Variants in UNC13C observed in about 807,000 individuals in gnomAD.
UNC13C encodes the protein protein unc-13 homolog C.
A neutral mutation model predicts 245.4 loss-of-function variants in UNC13C; 174 were observed. That is an observed-to-expected ratio of 0.71 (90% CI 0.63 to 0.80). The LOEUF (loss-of-function observed/expected upper bound fraction) is 0.80, where lower values mean the gene tolerates loss of function less well. Ranked by LOEUF, UNC13C falls within the 30% of genes least tolerant of loss-of-function variation. The probability of loss-of-function intolerance (pLI) is 0.00; values close to 1 mark genes in which losing one functional copy is unlikely to be tolerated. For missense variants in UNC13C, 2,829 were observed against 2,602.9 expected (o/e 1.09, Z -1.89); for synonymous variants, 992 against 895.1 (o/e 1.11, Z -1.93).
intron 10 of UNC13C, among the ~76,000 whole-genome samples, chr15:54,280,513 C>A (rs1333765435): frequency 6.6e-6 from 1 of 151,192 alleles, no homozygotes; most frequent in Admixed American, 6.6e-5. Flanking sequence ...ACAGCTATCA[C>A]AATAAGAATT....
chr15:53,937,861 C>T, the UNC13C span, among the ~76,000 whole-genome samples: 2 of 152,146 alleles, frequency 1.3e-5, no homozygotes, highest in Non-Finnish European at 1.5e-5. Context: ...CTGGGCCTGC[C>T]TTGTGAGAGG....
At chr15:54,566,606 GT>G (rs5812763) in intron 29 of UNC13C, among the ~76,000 whole-genome samples, 12,038 of 152,012 alleles carry the variant, frequency 0.079, 1,103 homozygotes, top group African/African-American at 0.22. Context: ...TGTTTCTTAA[GT>G]TTAAATCCCA....
chr15:54,183,144 G>T (rs530594921), intron 4 of UNC13C, among the ~76,000 whole-genome samples: 196 of 151,894 alleles, frequency 1.3e-3, no homozygotes, highest in Middle Eastern at 3.4e-3. Context: ...GGGGACAAAA[G>T]CAGAGATGGG....
chr15:54,005,815 C>T (rs778609117), intron 1 of UNC13C, among the ~76,000 whole-genome samples: 1 of 152,056 alleles, frequency 6.6e-6, no homozygotes, highest in Non-Finnish European at 1.5e-5. Flanking sequence ...TGTGCATCCA[C>T]GGTACCATGA....
chr15:54,217,821 T>A (rs994965850), intron 4 of UNC13C, among the ~76,000 whole-genome samples: 1 of 151,876 alleles, frequency 6.6e-6, no homozygotes, highest in African/African-American at 2.4e-5. Flanking sequence ...TGACTAACCC[T>A]CTTTAGTGTG....
intron 24 of UNC13C, among the ~76,000 whole-genome samples, chr15:54,512,108 C>T (rs1894770006): frequency 6.6e-6 from 1 of 152,124 alleles, no homozygotes; most frequent in African/African-American, 2.4e-5. Flanking sequence ...TATATACACA[C>T]ATATATATTT....
At chr15:54,319,650 A>G (rs926338074) in intron 13 of UNC13C, among the ~76,000 whole-genome samples, 34 of 151,966 alleles carry the variant, frequency 2.2e-4, no homozygotes, top group African/African-American at 7.7e-4. Flanking sequence ...AGTTTTCAGG[A>G]CCATCATTTA....
At chr15:54,145,668 T>G (rs930761751) in intron 4 of UNC13C, among the ~76,000 whole-genome samples, 1 of 152,224 alleles carries the variant, frequency 6.6e-6, no homozygotes, top group Non-Finnish European at 1.5e-5. Flanking sequence ...AATAATTAAG[T>G]TGAATTCTAA....
chr15:54,525,981 C>T (rs1373113296), intron 25 of UNC13C, among the ~76,000 whole-genome samples: 1 of 152,050 alleles, frequency 6.6e-6, no homozygotes, highest in African/African-American at 2.4e-5. Flanking sequence ...TATTGAAAGA[C>T]TAAAGACAGG....
chr15:54,113,827 A>G (rs1205673966), intron 2 of UNC13C, among the ~76,000 whole-genome samples: 2 of 152,206 alleles, frequency 1.3e-5, no homozygotes, highest in African/African-American at 2.4e-5. Flanking sequence ...CTCTCCCTCA[A>G]AAAAATAAAG....
intron 17 of UNC13C, among the ~76,000 whole-genome samples, chr15:54,376,946 G>C (rs1441379245): frequency 6.6e-6 from 1 of 152,142 alleles, no homozygotes; most frequent in Non-Finnish European, 1.5e-5. Context: ...GATTAGAATA[G>C]GCCCTAGATC....
chr15:54,320,936 A>G, intron 13 of UNC13C: 2 of 363,928 alleles, frequency 5.5e-6, no homozygotes, highest in Admixed American at 3.5e-5. Context: ...AACTGCTTCC[A>G]TTATTACCAA....
intron 2 of UNC13C, among the ~76,000 whole-genome samples, chr15:54,022,325 T>C (rs1050471994): frequency 1.4e-4 from 22 of 152,268 alleles, no homozygotes; most frequent in African/African-American, 5.1e-4. Context: ...GTTTCTTTTT[T>C]TTTTAAGCAA....
At position 54,622,399 on chromosome 15, in the gene UNC13C, A is replaced by G; in HGVS notation, c.6179A>G (p.Asp2060Gly). The change falls in exon 31 of 33, where the codon GAT becomes GGT. Residue 2060 changes from aspartate to glycine, a missense_variant. By Grantham distance (94) the Asp-to-Gly change is moderately conservative (BLOSUM62 -1). Transcript: ENST00000260323. ...VDITATPGTG[D>G]HKVTVKVIAI... is the part of the protein sequence containing the mutation. Reference sequence around the variant, plus strand: ...ATCACTGCCACCCCAGGAACGGGAGATCATAAAGTCACTGTAAAAGGTATA... The same window carrying G: ...ATCACTGCCACCCCAGGAACGGGAGGTCATAAAGTCACTGTAAAAGGTATA... 1 of 1,613,072 alleles carries G rather than the reference A, an allele frequency of 6.2e-7. No homozygotes were observed. Among genetic ancestry groups the G allele is most frequent in the Non-Finnish European group, 8.5e-7 (1 of 1,179,284 alleles).
At chr15:53,848,360 T>C in the UNC13C span, among the ~76,000 whole-genome samples, 1 of 152,170 alleles carries the variant, frequency 6.6e-6, no homozygotes, top group Non-Finnish European at 1.5e-5. Flanking sequence ...TTAAAATATT[T>C]TCTAATTTGA....
At chr15:53,981,300 C>T (rs749786153) in intron 1 of UNC13C, among the ~76,000 whole-genome samples, 12 of 152,126 alleles carry the variant, frequency 7.9e-5, no homozygotes, top group Non-Finnish European at 1.3e-4. Flanking sequence ...TACGGAAAGG[C>T]ATTCTCTAGA....
intron 29 of UNC13C, among the ~76,000 whole-genome samples, chr15:54,566,132 A>G (rs1230040911): frequency 2.0e-5 from 3 of 151,844 alleles, no homozygotes; most frequent in Admixed American, 2.0e-4. Context: ...ATTTCTTTGG[A>G]TGGCTCCTTG....
rs141631542 is a variant in UNC13C at position 54,444,225 on chromosome 15, A to G, written c.4933+29158A>G. On this transcript the variant is annotated intron_variant, in intron 19 of 32. Transcript: ENST00000260323. ...GTGTAAATATGACTTCTCCTGCTCAATTTCGGTTGTTGTTGACGTGGAATA... is the reference window on the plus strand; with the variant it reads ...GTGTAAATATGACTTCTCCTGCTCAGTTTCGGTTGTTGTTGACGTGGAATA... Among the ~76,000 whole-genome samples the G allele has an allele frequency of 6.1e-3, 921 of 151,436 alleles. 10 individuals are homozygous for G. Among genetic ancestry groups the G allele is most frequent in the Middle Eastern group, 0.024 (7 of 292 alleles).
intron 13 of UNC13C, among the ~76,000 whole-genome samples, chr15:54,300,855 T>C (rs528552396): frequency 1.3e-5 from 2 of 152,310 alleles, no homozygotes; most frequent in East Asian, 3.9e-4. Flanking sequence ...TATTATGGTG[T>C]CTTGTTCCAA....
Sources: allele counts gnomAD v4.1 joint callset (sites outside exome capture counted in the v4.1 genomes callset), GRCh38; gene constraint gnomAD v4.1.1; transcripts MANE v1.5; gene names NCBI Gene and HGNC (gene_info 2026-07-23, HGNC 2026-07-21).